CFAP300: variants seen among roughly 807,000 people sequenced by gnomAD.
CFAP300 encodes the protein cilia- and flagella-associated protein 300.
A neutral mutation model predicts 33.0 loss-of-function variants in CFAP300; 32 were observed. The ratio of observed to expected loss-of-function variants is 0.97; its 90% CI spans 0.73 to 1.30. CFAP300 has a LOEUF of 1.30. Among genes scored for constraint, CFAP300 ranks in the 50% most tolerant of loss-of-function variants. CFAP300 has a pLI of 0.00. For missense variants in CFAP300, 356 were observed against 318.1 expected, an observed-to-expected ratio of 1.12 and a Z score of -0.90; for synonymous variants, 102 against 106.8, an observed-to-expected ratio of 0.95 and a Z score of 0.28.
At chr11:102,080,708 G>C (rs562886010) in intron 5 of CFAP300, among the ~76,000 whole-genome samples, 2 of 152,164 alleles carry the variant, frequency 1.3e-5, no homozygotes, top group South Asian at 4.2e-4. Context: ...CCCACAAATA[G>C]TTTTTATATA....
chr11:102,049,320 C>T (rs370671681), intron 2 of CFAP300, among the ~76,000 whole-genome samples: 31 of 152,308 alleles, frequency 2.0e-4, no homozygotes, highest in African/African-American at 7.0e-4. Context: ...TAGCCTTTTC[C>T]CTTCATATGT....
rs542071172 is a variant in CFAP300, at chr11:102,054,728, CAAAAAAAAA to C, written c.193-4139_193-4131del. On this transcript the variant is annotated intron_variant, in intron 2 of 6. Coordinates refer to ENST00000434758, the MANE Select transcript of CFAP300 (RefSeq NM_032930.3). ...TGAATGACAGAGCAAGACTTGGTCTCAAAAAAAAAAAAAAAAAAAAAGTGAGACAGTTTA... is the reference window on the plus strand; with the variant it reads ...TGAATGACAGAGCAAGACTTGGTCTCAAAAAAAAAAAAGTGAGACAGTTTA... Among the ~76,000 whole-genome samples, 8 of 70,924 alleles carry C rather than the reference CAAAAAAAAA, an allele frequency of 1.1e-4. No individual in the cohort carries two copies. The East Asian group carries it at 3.0e-3, about 27-fold the overall frequency. The allele number at this position is 70,924 out of a possible 152,430, so 46.5% of individuals were successfully genotyped here.
chr11:102,081,544 G>A, intron 6 of CFAP300: 1 of 507,098 alleles, frequency 2.0e-6, no homozygotes, highest in Non-Finnish European at 3.4e-6. Context: ...CTCAGATAGA[G>A]TAGAACACAG....
chr11:102,063,036 C>G (rs1383640214), intron 3 of CFAP300, among the ~76,000 whole-genome samples: 1 of 152,252 alleles, frequency 6.6e-6, no homozygotes, highest in East Asian at 1.9e-4. Flanking sequence ...TCAGGGCCAT[C>G]AGGGCCACTG....
intron 2 of CFAP300, among the ~76,000 whole-genome samples, chr11:102,048,246 T>C (rs1240513287): frequency 6.6e-6 from 1 of 152,184 alleles, no homozygotes; most frequent in Non-Finnish European, 1.5e-5. Flanking sequence ...TTTACTTATT[T>C]TTTGAAACAG....
At chr11:102,061,065 A>T (rs542242791) in intron 3 of CFAP300, among the ~76,000 whole-genome samples, 11 of 152,298 alleles carry the variant, frequency 7.2e-5, no homozygotes, top group African/African-American at 2.6e-4. Context: ...CCCTCTCCCC[A>T]TGTTAGTACA....
intron 4 of CFAP300, among the ~76,000 whole-genome samples, chr11:102,074,990 A>C (rs1157932221): frequency 1.3e-5 from 2 of 152,120 alleles, no homozygotes; most frequent in East Asian, 3.9e-4. Flanking sequence ...TATAGGCACA[A>C]ACCACCATGC....
chr11:102,050,378 T>C (rs545613886), intron 2 of CFAP300, among the ~76,000 whole-genome samples: 1 of 152,336 alleles, frequency 6.6e-6, no homozygotes, highest in Admixed American at 6.5e-5. Context: ...CCATGCTGTT[T>C]CTACAACAAA....
intron 2 of CFAP300, among the ~76,000 whole-genome samples, chr11:102,048,395 A>G (rs1035149872): frequency 8.0e-6 from 1 of 125,250 alleles, no homozygotes; most frequent in Non-Finnish European, 1.7e-5. Context: ...ATTAAAAAAA[A>G]TTTTTTTAGA....
chr11:102,068,442 C>T (rs544545120), intron 4 of CFAP300, among the ~76,000 whole-genome samples: 2 of 152,296 alleles, frequency 1.3e-5, no homozygotes, highest in East Asian at 3.9e-4. Context: ...AATGAGACTA[C>T]ATATAGTTTG....
At chr11:102,073,673 A>G (rs1591325086) in intron 4 of CFAP300, among the ~76,000 whole-genome samples, 1 of 151,964 alleles carries the variant, frequency 6.6e-6, no homozygotes, top group Non-Finnish European at 1.5e-5. Context: ...CAGTGGCTGC[A>G]GCCACTGGCA....
In CFAP300 at chr11:102,075,879, C is replaced by G; in HGVS notation, c.442C>G (p.Leu148Val). The G allele has an allele frequency of 6.2e-7, 1 of 1,605,554 alleles. No homozygotes were observed. Among genetic ancestry groups the G allele is most frequent in the African/African-American group, 1.3e-5 (1 of 74,618 alleles). ...LISDELRRVL[L>V]VEDSEKYEIF... Reference sequence around the variant, plus strand: ...ATGAATTTTATCGTCTTAGGTTTTGCTAGTGGAAGACTCAGAAAAATATGA... The same window carrying G: ...ATGAATTTTATCGTCTTAGGTTTTGGTAGTGGAAGACTCAGAAAAATATGA... Residue 148 changes from leucine to valine, a missense_variant, in exon 5 of 7, where the codon CTA (leucine) becomes GTA (valine). By Grantham distance (32) the Leu-to-Val change is conservative (BLOSUM62 1). Transcript: ENST00000434758.
At position 102,065,631 on chromosome 11, in the gene CFAP300, G is replaced by C. The variant is rs538164951; in HGVS notation, c.269-854G>C. On this transcript the variant is annotated intron_variant, in intron 3 of 6. Transcript: ENST00000434758. ...AAAAATACAAAATTAGCCAGGCATG[G>C]TGGCACATGCCTGTAATCCCAGATA... Among the ~76,000 whole-genome samples the C allele has an allele frequency of 8.6e-5, 13 of 151,920 alleles. No homozygotes were observed. In the East Asian group the frequency reaches 2.4e-3, roughly 28 times the overall value.
At chr11:102,059,582 A>G (rs933605999) in intron 3 of CFAP300, among the ~76,000 whole-genome samples, 21 of 151,946 alleles carry the variant, frequency 1.4e-4, no homozygotes, top group Non-Finnish European at 8.8e-5. Flanking sequence ...TGGGAGGTGG[A>G]GGGTTGCCGT....
In CFAP300 at chr11:102,083,114, A is replaced by G; in HGVS notation, c.719A>G (p.Gln240Arg). The change falls in exon 7 of 7, where the codon CAG becomes CGG. Residue 240 changes from glutamine to arginine, a missense_variant. Transcript: ENST00000434758. ...TATCCTTCAGCAAAGAATCATGAACAGACATTTTCTTACTTTATTGTGGAT... is the reference window on the plus strand; with the variant it reads ...TATCCTTCAGCAAAGAATCATGAACGGACATTTTCTTACTTTATTGTGGAT... Reference protein sequence around the residue: ...MCYPSAKNHEQTFSYFIVDPI... With the variant: ...MCYPSAKNHERTFSYFIVDPI... 6.4e-7 allele frequency: 1 copy of G among 1,551,978 alleles called. No individual in the cohort carries two copies. Among genetic ancestry groups the G allele is most frequent in the Non-Finnish European group, 8.7e-7 (1 of 1,146,780 alleles).
chr11:102,056,218 C>T (rs543519694), intron 2 of CFAP300, among the ~76,000 whole-genome samples: 27 of 152,220 alleles, frequency 1.8e-4, no homozygotes, highest in South Asian at 1.5e-3. Context: ...TGTTTTTTTA[C>T]TGATAGACAT....
intron 5 of CFAP300, among the ~76,000 whole-genome samples, chr11:102,078,015 C>T (rs1362678623): frequency 1.3e-5 from 2 of 151,992 alleles, no homozygotes; most frequent in Admixed American, 6.6e-5. Context: ...CTTAGCCTCC[C>T]GAATAGCTGG....
chr11:102,058,210 T>C (rs1422007997), intron 2 of CFAP300, among the ~76,000 whole-genome samples: 1 of 152,122 alleles, frequency 6.6e-6, no homozygotes, highest in Non-Finnish European at 1.5e-5. Context: ...CTGAGATGCT[T>C]CTAATAAATT....
In CFAP300 at chr11:102,083,251, C is replaced by G. The variant is rs777344335; in HGVS notation, c.*52C>G. 1 of 1,268,382 alleles carries G rather than the reference C, an allele frequency of 7.9e-7. No individual in the cohort carries two copies. Among genetic ancestry groups the G allele is most frequent in the Non-Finnish European group, 1.0e-6 (1 of 970,276 alleles). The allele number at this position is 1,268,382 out of a possible 1,614,324, so 78.6% of individuals were successfully genotyped here. A position where few individuals can be genotyped will look rare whatever the true frequency, so the allele number is the denominator to read the frequency against. ...TATTTTGTATTTATCATTTTTCTATCTTAATACTAACTTATAGATAAACAT... is the reference window on the plus strand; with the variant it reads ...TATTTTGTATTTATCATTTTTCTATGTTAATACTAACTTATAGATAAACAT... On this transcript the variant is annotated 3_prime_UTR_variant, in exon 7 of 7. Transcript: ENST00000434758.
Sources: gnomAD v4.1 joint callset for allele counts (sites outside exome capture counted in the v4.1 genomes callset) on GRCh38, gnomAD v4.1.1 for gene constraint, MANE v1.5 for transcripts, NCBI Gene and HGNC (gene_info 2026-07-23, HGNC 2026-07-21) for gene names.